Variants in FLRT1 observed in about 807,000 individuals in gnomAD.
FLRT1 encodes leucine-rich repeat transmembrane protein FLRT1.
FLRT1 carries 14 observed loss-of-function variants against 30.9 expected under a neutral mutation model. The ratio of observed to expected loss-of-function variants is 0.45; its 90% CI spans 0.30 to 0.71. The LOEUF is 0.71. Ranked by LOEUF, FLRT1 falls within the 30% of genes least tolerant of loss-of-function variation. The pLI is 0.08. For synonymous variants in FLRT1, 368 were observed against 430.4 expected (o/e 0.85, Z 1.80); for missense variants, 737 against 949.2 (o/e 0.78, Z 2.94).
At chr11:64,051,351 G>C (rs1943691113) in intron 1 of FLRT1, among the ~76,000 whole-genome samples, 1 of 152,216 alleles carries the variant, frequency 6.6e-6, no homozygotes, top group Admixed American at 6.5e-5. Context: ...TGGTGGGGTG[G>C]GTGCGTGTGG....
Position 64,117,656 on chromosome 11 carries a change from T to C in FLRT1, c.1389T>C (p.Ser463=), listed in dbSNP as rs1392624005. ...ITWKATLPAS[S]FRLSWLRLGH... is the part of the protein sequence containing the mutation. ...GGAAGGCCACGCTCCCCGCCTCCTC[T>C]TTCCGGCTCAGTTGGCTGCGCCTGG... is the stretch of plus-strand genomic sequence containing the variant. Residue 463 remains serine (S), a synonymous_variant, in exon 3 of 3, where the codon TCT becomes TCC. Coordinates refer to ENST00000682287, the MANE Select transcript of FLRT1 (RefSeq NM_013280.5). 5.6e-6 allele frequency: 9 copies of C among 1,613,640 alleles called. No individual in the cohort carries two copies. In the Admixed American group the frequency reaches 1.3e-4, roughly 24 times the overall value.
At chr11:64,086,365 A>G (rs988196749) in intron 1 of FLRT1, among the ~76,000 whole-genome samples, 1 of 151,892 alleles carries the variant, frequency 6.6e-6, no homozygotes, top group African/African-American at 2.4e-5. Flanking sequence ...ACATATGCAT[A>G]TGGTGCCCTT....
At chr11:64,101,246 A>G (rs1223742103) in intron 1 of FLRT1, among the ~76,000 whole-genome samples, 1 of 152,120 alleles carries the variant, frequency 6.6e-6, no homozygotes, top group Non-Finnish European at 1.5e-5. Context: ...AGTGGGAGAC[A>G]CGGCTGGTGG....
chr11:64,059,071 G>A (rs912857348), intron 1 of FLRT1, among the ~76,000 whole-genome samples: 4 of 152,198 alleles, frequency 2.6e-5, no homozygotes, highest in African/African-American at 9.7e-5. Context: ...AATTTGCACT[G>A]GGGGAAACTG....
Position 64,117,068 on chromosome 11 carries a change from G to A in FLRT1, c.801G>A (p.Leu267=), listed in dbSNP as rs1381003567. 1 of 1,601,932 alleles carries A rather than the reference G, an allele frequency of 6.2e-7. No individual in the cohort carries two copies. Among genetic ancestry groups the A allele is most frequent in the Non-Finnish European group, 8.5e-7 (1 of 1,174,564 alleles). Residue 267 remains leucine (L), a synonymous_variant, in exon 3 of 3, where the codon CTG becomes CTA. Transcript: ENST00000682287. The stretch of plus-strand genomic sequence containing the variant: ...CGCTGGCCGCGCCACCCCTCAACCT[G>A]CCCAGCGCCCACCTGCAGAAGCTCT... ...RNSLAAPPLN[L]PSAHLQKLYL... is the part of the protein sequence containing the mutation.
Position 64,041,199 on chromosome 11 carries a change from T to TAAAAAAAAAAAAAAAA in FLRT1, c.-1038+5055_-1038+5070dup, listed in dbSNP as rs71045724. On this transcript the variant is annotated intron_variant, in intron 1 of 2. Transcript: ENST00000682287. ...AGATTACAACAGATTTAGCAAACTG[T>TAAAAAAAAAAAAAAAA]AAAAAAAAAAAAAAAAAAAAAAAAA... is the stretch of plus-strand genomic sequence containing the variant. Among the ~76,000 whole-genome samples the TAAAAAAAAAAAAAAAA allele has an allele frequency of 7.9e-4, 17 of 21,606 alleles. 4 individuals are homozygous for TAAAAAAAAAAAAAAAA. The highest frequency in any genetic ancestry group is 2.4e-3 in the African/African-American group (15 of 6,210). 14.2% of individuals were successfully genotyped at this position (21,606 alleles called of 152,430 possible). A position where few individuals can be genotyped will look rare whatever the true frequency, so the allele number is the denominator to read the frequency against.
In FLRT1 at chr11:64,076,249, G is replaced by C. The variant is rs2701547; in HGVS notation, c.-1037-26945G>C. On this transcript the variant is annotated intron_variant, in intron 1 of 2. Coordinates refer to ENST00000682287, the MANE Select transcript of FLRT1 (RefSeq NM_013280.5). ...CCTGCTTCCTTAGCAAGACCCTCCA[G>C]CCCTCACCAGGTGCCCCCATGACCC... 6.4e-3 allele frequency among the ~76,000 whole-genome samples: 968 copies of C among 152,242 alleles called. 9 individuals are homozygous for C. The highest frequency in any genetic ancestry group is 0.026 in the South Asian group (125 of 4,820).
Position 64,084,838 on chromosome 11 carries a change from G to A in FLRT1, c.-1037-18356G>A, listed in dbSNP as rs76542726. ...CCAAGGTCCAAAGAGGTAATGCCCC[G>A]GCCCGGGAGGGGCGCAAGACCACAG... On this transcript the variant is annotated intron_variant, in intron 1 of 2. Transcript: ENST00000682287. Among the ~76,000 whole-genome samples, 802 of 152,302 alleles carry A rather than the reference G, an allele frequency of 5.3e-3. 8 individuals are homozygous for A. Among genetic ancestry groups the A allele is most frequent in the African/African-American group, 0.018 (768 of 41,576 alleles).
At chr11:64,040,061 T>A (rs1943455865) in intron 1 of FLRT1, among the ~76,000 whole-genome samples, 1 of 152,242 alleles carries the variant, frequency 6.6e-6, no homozygotes, top group African/African-American at 2.4e-5. Context: ...CTTGAGATAA[T>A]CATTGAGCAT....
At chr11:64,114,429 TTGAA>T (rs1243122748) in intron 2 of FLRT1, among the ~76,000 whole-genome samples, 2 of 63,842 alleles carry the variant, frequency 3.1e-5, no homozygotes, top group Non-Finnish European at 5.9e-5. Flanking sequence ...GGAGGGATGG[TTGAA>T]TGGATGGATG....
Position 64,117,391 on chromosome 11 carries a change from T to G in FLRT1, c.1124T>G (p.Met375Arg). The G allele has an allele frequency of 6.2e-7, 1 of 1,612,116 alleles. No homozygotes were observed. The highest frequency in any genetic ancestry group is 8.5e-7 in the Non-Finnish European group (1 of 1,178,390). The change falls in exon 3 of 3, where the codon ATG becomes AGG. Residue 375 changes from methionine to arginine, a missense_variant. Transcript: ENST00000682287. ...GMAIKDITSEMDECFETGPQG... is the reference protein window; with the variant it reads ...GMAIKDITSERDECFETGPQG... Reference sequence around the variant, plus strand: ...GCCATCAAGGACATTACCAGCGAGATGGACGAGTGTTTTGAGACGGGGCCG... The same window carrying G: ...GCCATCAAGGACATTACCAGCGAGAGGGACGAGTGTTTTGAGACGGGGCCG...
rs1341563997 is a variant in FLRT1, at chr11:64,036,043, G to A, written c.-1154G>A. 5.9e-5 allele frequency: 9 copies of A among 151,266 alleles called. No homozygotes were observed. Among genetic ancestry groups the A allele is most frequent in the African/African-American group, 2.2e-4 (9 of 41,258 alleles). The allele number at this position is 151,266 out of a possible 1,614,324, so 9.4% of individuals were successfully genotyped here. On this transcript the variant is annotated 5_prime_UTR_variant, in exon 1 of 3. Transcript: ENST00000682287. The surrounding 1 kb of genome is among the most constrained non-coding windows in gnomAD (Gnocchi z 5.6). The stretch of plus-strand genomic sequence containing the variant: ...CCGCGCGCCGGGGGCTCCTCTCCCG[G>A]GCCCCCCTGGGCGCCCTCCGGCTCT...
rs779105954 is a variant in FLRT1 at position 64,117,312 on chromosome 11, G to A, written c.1045G>A (p.Val349Met). ...LRDWVKARAA[V>M]VNVRGLMCQG... ...GGACTGGGTGAAGGCACGGGCGGCC[G>A]TGGTCAACGTGCGGGGCCTCATGTG... Residue 349 changes from valine (V) to methionine (M), a missense_variant, in exon 3 of 3, where the codon GTG becomes ATG. Transcript: ENST00000682287. 30 of 1,614,018 alleles carry A rather than the reference G, an allele frequency of 1.9e-5. No homozygotes were observed. The African/African-American group carries it at 2.4e-4, about 13-fold the overall frequency.
At chr11:64,070,455 G>A (rs557319841) in intron 1 of FLRT1, among the ~76,000 whole-genome samples, 37 of 152,272 alleles carry the variant, frequency 2.4e-4, no homozygotes, top group African/African-American at 7.7e-4. Flanking sequence ...GGGATAAAAC[G>A]CCAAACAAAT....
At chr11:64,042,593 G>C (rs1353891873) in intron 1 of FLRT1, among the ~76,000 whole-genome samples, 1 of 152,090 alleles carries the variant, frequency 6.6e-6, no homozygotes, top group Admixed American at 6.5e-5. Flanking sequence ...TGGCCTGGTG[G>C]CCAGGCCTGT....
chr11:64,084,723 G>A (rs947515931), intron 1 of FLRT1, among the ~76,000 whole-genome samples: 3 of 152,186 alleles, frequency 2.0e-5, no homozygotes, highest in Non-Finnish European at 4.4e-5. Context: ...GTGCTGCTTC[G>A]GCTCAGCCCT....
Position 64,116,251 on chromosome 11 carries a change from G to A in FLRT1, c.-17G>A, listed in dbSNP as rs1565240528. Reference sequence around the variant, plus strand: ...GGCTCCAGGCCAGGTGGGGCCGGACGCCCCCAGCCATCCACCATGGTGGTG... The same window carrying A: ...GGCTCCAGGCCAGGTGGGGCCGGACACCCCCAGCCATCCACCATGGTGGTG... On this transcript the variant is annotated 5_prime_UTR_variant, in exon 3 of 3. Coordinates refer to ENST00000682287, the MANE Select transcript of FLRT1 (RefSeq NM_013280.5). 6 of 1,585,520 alleles carry A rather than the reference G, an allele frequency of 3.8e-6. No homozygotes were observed. The highest frequency in any genetic ancestry group is 5.1e-6 in the Non-Finnish European group (6 of 1,169,982).
intron 2 of FLRT1, among the ~76,000 whole-genome samples, chr11:64,113,276 A>C (rs778478584): frequency 6.6e-6 from 1 of 152,276 alleles, no homozygotes; most frequent in Non-Finnish European, 1.5e-5. Flanking sequence ...GTGAACTATC[A>C]TCCATCCCAT....
chr11:64,043,392 T>C (rs1943525490), intron 1 of FLRT1, among the ~76,000 whole-genome samples: 1 of 152,160 alleles, frequency 6.6e-6, no homozygotes, highest in Non-Finnish European at 1.5e-5. Flanking sequence ...CCCCGAGGTC[T>C]GGGGCCCATG....
Sources: allele counts gnomAD v4.1 joint callset (sites outside exome capture counted in the v4.1 genomes callset), GRCh38; gene constraint gnomAD v4.1.1; non-coding constraint Gnocchi (gnomAD v3.1); transcripts MANE v1.5; gene names NCBI Gene and HGNC (gene_info 2026-07-23, HGNC 2026-07-21).